Variants in CADM1 observed in about 807,000 individuals in gnomAD.
The protein encoded by CADM1 is TSLC-1.
A neutral mutation model predicts 53.1 loss-of-function variants in CADM1; 15 were observed. The observed-to-expected ratio is 0.28, with a 90% confidence interval of 0.19 to 0.44. The LOEUF is 0.44. CADM1 is among the 20% of genes least tolerant of loss of function. CADM1 has a pLI of 1.00. For synonymous variants in CADM1, 281 were observed against 243.0 expected (o/e 1.16, Z -1.45); for missense variants, 434 against 611.3 (o/e 0.71, Z 3.06).
intron 1 of CADM1, among the ~76,000 whole-genome samples, chr11:115,393,565 A>G (rs1004212864): frequency 6.6e-6 from 1 of 151,630 alleles, no homozygotes; most frequent in Non-Finnish European, 1.5e-5. Flanking sequence ...TCTGAAAAAA[A>G]AAAAACATAG....
At chr11:115,200,449 A>T (rs569712251) in intron 8 of CADM1, among the ~76,000 whole-genome samples, 28 of 151,852 alleles carry the variant, frequency 1.8e-4, no homozygotes, top group African/African-American at 5.1e-4. Flanking sequence ...AGCAATCAAC[A>T]CTCTGGCTCA....
At chr11:115,402,628 T>A (rs1947190117) in intron 1 of CADM1, among the ~76,000 whole-genome samples, 1 of 152,076 alleles carries the variant, frequency 6.6e-6, no homozygotes, top group South Asian at 2.1e-4. Flanking sequence ...ACAGGGAGTA[T>A]ACAGAAGAAT....
At chr11:115,457,765 T>C (rs1948710372) in intron 1 of CADM1, among the ~76,000 whole-genome samples, 1 of 152,020 alleles carries the variant, frequency 6.6e-6, no homozygotes, top group South Asian at 2.1e-4. Context: ...TTTTGTAAAA[T>C]TAAAAGTCAC....
chr11:115,457,051 A>G (rs532313319), intron 1 of CADM1, among the ~76,000 whole-genome samples: 39 of 152,266 alleles, frequency 2.6e-4, no homozygotes, highest in Middle Eastern at 3.4e-3. Flanking sequence ...GTTACCACAT[A>G]CTGAGTGCCT....
At chr11:115,384,279 T>A (rs987881486) in intron 1 of CADM1, among the ~76,000 whole-genome samples, 4 of 152,160 alleles carry the variant, frequency 2.6e-5, no homozygotes, top group Non-Finnish European at 1.5e-5. Context: ...CTGCCCTGAG[T>A]GCACACTATA....
intron 1 of CADM1, among the ~76,000 whole-genome samples, chr11:115,414,138 A>G (rs1037383658): frequency 6.6e-6 from 1 of 152,210 alleles, no homozygotes; most frequent in African/African-American, 2.4e-5. Flanking sequence ...GCCCTCTTCT[A>G]GAACCATTTG....
At position 115,464,184 on chromosome 11, in the gene CADM1, G is replaced by A. The variant is rs148532990; in HGVS notation, c.124+40087C>T. 3.4e-4 allele frequency among the ~76,000 whole-genome samples: 52 copies of A among 152,250 alleles called. No homozygotes were observed. In the East Asian group the frequency reaches 0.01, roughly 29 times the overall value. The stretch of plus-strand genomic sequence containing the variant: ...AACAAAACAATCCACAAGCAGCCTA[G>A]GTAGTGGCAGTTCAAGACAGGAAAT... On this transcript the variant is annotated intron_variant, in intron 1 of 11. Transcript: ENST00000331581.
intron 1 of CADM1, among the ~76,000 whole-genome samples, chr11:115,375,077 T>C (rs567866933): frequency 6.6e-6 from 1 of 152,290 alleles, no homozygotes; most frequent in African/African-American, 2.4e-5. Flanking sequence ...GAAATCTTGA[T>C]GGAAAGATAG....
chr11:115,438,840 C>T (rs1383086200), intron 1 of CADM1, among the ~76,000 whole-genome samples: 1 of 152,136 alleles, frequency 6.6e-6, no homozygotes, highest in Non-Finnish European at 1.5e-5. Context: ...ATATCACTGC[C>T]TCCTTTTCAG....
intron 1 of CADM1, among the ~76,000 whole-genome samples, chr11:115,274,617 G>A (rs769277124): frequency 3.9e-5 from 6 of 152,174 alleles, no homozygotes; most frequent in Non-Finnish European, 8.8e-5. Flanking sequence ...CAGCAACAAC[G>A]AAAACTGGGA....
intron 1 of CADM1, among the ~76,000 whole-genome samples, chr11:115,472,676 T>C (rs903385264): frequency 1.3e-5 from 2 of 152,244 alleles, no homozygotes; most frequent in Admixed American, 6.5e-5. Flanking sequence ...GCCCTCTGGA[T>C]GCAAATCACT....
intron 1 of CADM1, among the ~76,000 whole-genome samples, chr11:115,344,670 T>C (rs1487304584): frequency 6.6e-6 from 1 of 152,164 alleles, no homozygotes; most frequent in Admixed American, 6.6e-5. Flanking sequence ...TCCCTCATCC[T>C]GATCTATATA....
intron 3 of CADM1, among the ~76,000 whole-genome samples, chr11:115,233,630 C>G (rs887306556): frequency 2.6e-5 from 4 of 151,694 alleles, no homozygotes; most frequent in African/African-American, 7.3e-5. Context: ...AAAATAAGAC[C>G]TTAAAGAGTG....
At chr11:115,484,612 A>C (rs539854481) in intron 1 of CADM1, among the ~76,000 whole-genome samples, 45 of 152,260 alleles carry the variant, frequency 3.0e-4, no homozygotes, top group African/African-American at 1.1e-3. Flanking sequence ...GTAAAGACAC[A>C]ATTTGGCGTA....
In CADM1 at chr11:115,504,347, C is replaced by G. The variant is rs775947873; in HGVS notation, c.48G>C (p.Ala16=). Residue 16 remains alanine (A), a synonymous_variant, in exon 1 of 12, where the codon GCG becomes GCC. Coordinates refer to ENST00000331581, the MANE Select transcript of CADM1 (RefSeq NM_001301043.2). ...GGAGCCCGGGAGGCGCCGCCGCCGC[C>G]GCTGCCGCCGCACACTGGGATCCGC... The part of the protein sequence containing the change: ...LPSGSQCAAA[A]AAAAPPGLRL... 3 of 1,548,490 alleles carry G rather than the reference C, an allele frequency of 1.9e-6. No homozygotes were observed. The highest frequency in any genetic ancestry group is 3.9e-5 in the Admixed American group (2 of 50,944).
At chr11:115,351,488 G>A (rs1435205931) in intron 1 of CADM1, among the ~76,000 whole-genome samples, 2 of 152,148 alleles carry the variant, frequency 1.3e-5, no homozygotes, top group African/African-American at 2.4e-5. Flanking sequence ...AATAATTTTT[G>A]TATTCTAGCA....
intron 1 of CADM1, among the ~76,000 whole-genome samples, chr11:115,375,021 G>A (rs1591759097): frequency 6.6e-6 from 1 of 152,008 alleles, no homozygotes; most frequent in Non-Finnish European, 1.5e-5. Flanking sequence ...ATATTATTGT[G>A]GTTATCTTTT....
Position 115,229,204 on chromosome 11 carries a change from G to A in CADM1, c.630C>T (p.His210=). 1.2e-6 allele frequency: 2 copies of A among 1,614,126 alleles called. No individual in the cohort carries two copies. The highest frequency in any genetic ancestry group is 1.7e-6 in the Non-Finnish European group (2 of 1,180,012). Residue 210 remains histidine, a synonymous_variant, in exon 5 of 12, where the codon CAC becomes CAT. Transcript: ENST00000331581. Reference sequence around the variant, plus strand: ...TCACTGGGACCCCATCGTCCTCCTTGTGCACCTTCAGCATCAGCTGACTGG... The same window carrying A: ...TCACTGGGACCCCATCGTCCTCCTTATGCACCTTCAGCATCAGCTGACTGG... ...TVTSQLMLKV[H]KEDDGVPVIC... is the part of the protein sequence containing the mutation.
intron 1 of CADM1, among the ~76,000 whole-genome samples, chr11:115,274,608 A>G (rs1943393250): frequency 6.6e-6 from 1 of 152,246 alleles, no homozygotes. Flanking sequence ...ACAAGACAAC[A>G]GCAACAACGA....
Sources: allele counts gnomAD v4.1 joint callset (sites outside exome capture counted in the v4.1 genomes callset), GRCh38; gene constraint gnomAD v4.1.1; transcripts MANE v1.5; gene names NCBI Gene and HGNC (gene_info 2026-07-23, HGNC 2026-07-21).